The following FHIT variants were observed in gnomAD, a reference collection of about 807,000 sequenced individuals.
The protein encoded by FHIT is bis(5'-adenosyl)-triphosphatase.
FHIT carries 19 observed loss-of-function variants against 17.9 expected under a neutral mutation model. The ratio of observed to expected loss-of-function variants is 1.06; its 90% CI spans 0.74 to 1.56. The LOEUF is 1.56. Among genes scored for constraint, FHIT ranks in the 40% most tolerant of loss-of-function variants. The pLI is 0.00. For synonymous variants in FHIT, 81 were observed against 69.7 expected, an observed-to-expected ratio of 1.16 and a Z score of -0.81; for missense variants, 248 against 189.2, an observed-to-expected ratio of 1.31 and a Z score of -1.82.
At chr3:59,813,545 G>A (rs1042189475) in intron 8 of FHIT, among the ~76,000 whole-genome samples, 4 of 152,180 alleles carry the variant, frequency 2.6e-5, no homozygotes, top group Non-Finnish European at 4.4e-5. Flanking sequence ...CAAGGATTTG[G>A]AGGTAGTCTT....
At chr3:59,859,593 C>T (rs1419580881) in intron 8 of FHIT, among the ~76,000 whole-genome samples, 2 of 152,142 alleles carry the variant, frequency 1.3e-5, no homozygotes, top group Non-Finnish European at 2.9e-5. Context: ...GAGGTGTGTG[C>T]CTGTAATCCC....
intron 5 of FHIT, among the ~76,000 whole-genome samples, chr3:60,057,078 C>T (rs1446455241): frequency 1.3e-5 from 2 of 152,092 alleles, no homozygotes; most frequent in Non-Finnish European, 2.9e-5. Context: ...CATTCTTTGT[C>T]CTGGGTGGAA....
intron 4 of FHIT, among the ~76,000 whole-genome samples, chr3:60,583,930 G>A (rs1283636858): frequency 6.6e-6 from 1 of 152,074 alleles, no homozygotes; most frequent in Non-Finnish European, 1.5e-5. Context: ...TCAGCACTCT[G>A]GGAAATATTC....
intron 5 of FHIT, among the ~76,000 whole-genome samples, chr3:60,518,339 A>G (rs908749358): frequency 7.2e-5 from 11 of 152,252 alleles, no homozygotes; most frequent in African/African-American, 2.7e-4. Context: ...TTCATAGGTA[A>G]CTTATTGATA....
chr3:61,147,440 G>A (rs994071959), intron 2 of FHIT, among the ~76,000 whole-genome samples: 1 of 151,776 alleles, frequency 6.6e-6, no homozygotes, highest in Non-Finnish European at 1.5e-5. Context: ...TGTCATGTTG[G>A]CTCACTATAA....
intron 3 of FHIT, among the ~76,000 whole-genome samples, chr3:60,930,703 A>C (rs1204643028): frequency 6.6e-6 from 1 of 152,224 alleles, no homozygotes; most frequent in Non-Finnish European, 1.5e-5. Context: ...ATCATTAAAA[A>C]GTCAGGAAAC....
At chr3:60,485,652 G>T (rs529304522) in intron 5 of FHIT, among the ~76,000 whole-genome samples, 2 of 151,858 alleles carry the variant, frequency 1.3e-5, no homozygotes, top group African/African-American at 2.4e-5. Flanking sequence ...AGGCCTGTTG[G>T]GGGTGGGGGG....
At chr3:60,220,934 C>T (rs989740173) in intron 5 of FHIT, among the ~76,000 whole-genome samples, 7 of 152,130 alleles carry the variant, frequency 4.6e-5, no homozygotes, top group Admixed American at 1.3e-4. Flanking sequence ...ACTAGAGCAA[C>T]GTGTGGGGAT....
chr3:60,923,269 G>C (rs1037642063), intron 3 of FHIT, among the ~76,000 whole-genome samples: 1 of 152,172 alleles, frequency 6.6e-6, no homozygotes, highest in Non-Finnish European at 1.5e-5. Flanking sequence ...TCAGACTCTG[G>C]AGTCAAATGT....
intron 3 of FHIT, among the ~76,000 whole-genome samples, chr3:60,930,530 C>A (rs1233274021): frequency 1.3e-5 from 2 of 152,112 alleles, no homozygotes; most frequent in African/African-American, 4.8e-5. Context: ...AAAAAACAAA[C>A]AACCCCATCA....
chr3:60,370,831 A>C (rs1559860551), intron 5 of FHIT, among the ~76,000 whole-genome samples: 1 of 152,212 alleles, frequency 6.6e-6, no homozygotes. Context: ...CTCTTCTTAA[A>C]ATACTCATTT....
intron 3 of FHIT, among the ~76,000 whole-genome samples, chr3:60,830,088 C>T (rs1337966292): frequency 6.6e-6 from 1 of 152,032 alleles, no homozygotes; most frequent in African/African-American, 2.4e-5. Flanking sequence ...TCCCCCATAC[C>T]CTTCTTTTTT....
At chr3:61,210,794 G>C (rs894658582) in intron 1 of FHIT, among the ~76,000 whole-genome samples, 1 of 151,796 alleles carries the variant, frequency 6.6e-6, no homozygotes, top group Non-Finnish European at 1.5e-5. Flanking sequence ...CTCACACACA[G>C]TGCGCTGCAC....
intron 5 of FHIT, among the ~76,000 whole-genome samples, chr3:60,199,169 T>G (rs980192067): frequency 1.3e-5 from 2 of 152,110 alleles, no homozygotes; most frequent in African/African-American, 4.8e-5. Flanking sequence ...GGGACAAAAG[T>G]TGGTCTTTTA....
intron 5 of FHIT, among the ~76,000 whole-genome samples, chr3:60,169,404 A>G (rs534995318): frequency 6.6e-6 from 1 of 152,300 alleles, no homozygotes; most frequent in African/African-American, 2.4e-5. Context: ...ATGTTGGCTA[A>G]TTTATAAATG....
At chr3:60,290,447 C>T (rs1300133559) in intron 5 of FHIT, among the ~76,000 whole-genome samples, 1 of 151,900 alleles carries the variant, frequency 6.6e-6, no homozygotes, top group African/African-American at 2.4e-5. Context: ...GCAAGCTGAC[C>T]TATGGAGAGC....
intron 5 of FHIT, among the ~76,000 whole-genome samples, chr3:60,130,864 T>C (rs1326573664): frequency 6.9e-6 from 1 of 145,730 alleles, no homozygotes; most frequent in Non-Finnish European, 1.5e-5. Flanking sequence ...TATACATGTA[T>C]ATAGACACGT....
At chr3:60,337,817 G>C (rs374652290) in intron 5 of FHIT, among the ~76,000 whole-genome samples, 2 of 152,118 alleles carry the variant, frequency 1.3e-5, no homozygotes, top group Admixed American at 1.3e-4. Context: ...AGACTCTTGG[G>C]GGACTGGAAT....
chr3:61,035,957 A>G (rs1051121854), intron 3 of FHIT, among the ~76,000 whole-genome samples: 2 of 152,232 alleles, frequency 1.3e-5, no homozygotes, highest in African/African-American at 2.4e-5. Flanking sequence ...TGAAATGGTT[A>G]GAGACAATGC....
Sources: gnomAD v4.1 joint callset for allele counts (sites outside exome capture counted in the v4.1 genomes callset) on GRCh38, gnomAD v4.1.1 for gene constraint, MANE v1.5 for transcripts, NCBI Gene and HGNC (gene_info 2026-07-23, HGNC 2026-07-21) for gene names.